PDE3A: variants seen among roughly 807,000 people sequenced by gnomAD.
The protein encoded by PDE3A is phosphodiesterase 3A.
PDE3A carries 43 observed loss-of-function variants against 98.3 expected under a neutral mutation model. That is an observed-to-expected ratio of 0.44 (90% CI 0.34 to 0.56). The LOEUF is 0.56. Ranked by LOEUF, PDE3A falls within the 20% of genes least tolerant of loss-of-function variation. The probability of loss-of-function intolerance (pLI) is 0.01; values close to 1 mark genes in which losing one functional copy is unlikely to be tolerated. For missense variants in PDE3A, 1,427 were observed against 1,440.7 expected (o/e 0.99, Z 0.15); for synonymous variants, 663 against 567.9 (o/e 1.17, Z -2.38).
intron 10 of PDE3A, among the ~76,000 whole-genome samples, chr12:20,646,256 A>G (rs1944773334): frequency 6.6e-6 from 1 of 152,156 alleles, no homozygotes; most frequent in African/African-American, 2.4e-5. Flanking sequence ...AGATTTTTCC[A>G]CTTCAGATAC....
At chr12:20,580,550 C>T (rs1943038702) in intron 2 of PDE3A, among the ~76,000 whole-genome samples, 1 of 152,118 alleles carries the variant, frequency 6.6e-6, no homozygotes, top group South Asian at 2.1e-4. Flanking sequence ...AAAATATTCT[C>T]AGGTCCAAAA....
rs532153330 is a variant in PDE3A at position 20,633,109 on chromosome 12, G to T, written c.1761-584G>T. Among the ~76,000 whole-genome samples, 3 of 151,874 alleles carry T rather than the reference G, an allele frequency of 2.0e-5. No individual in the cohort carries two copies. In the South Asian group the frequency reaches 6.2e-4, roughly 32 times the overall value. Reference sequence around the variant, plus strand: ...TGGTATTACAGGCATCCACCACCCTGCCTGGCAATTTTTGTATTTTTAGTA... The same window carrying T: ...TGGTATTACAGGCATCCACCACCCTTCCTGGCAATTTTTGTATTTTTAGTA... On this transcript the variant is annotated intron_variant, in intron 6 of 15. Coordinates refer to ENST00000359062, the MANE Select transcript of PDE3A (RefSeq NM_000921.5).
intron 1 of PDE3A, among the ~76,000 whole-genome samples, chr12:20,550,445 A>G (rs1226222876): frequency 6.6e-6 from 1 of 152,150 alleles, no homozygotes; most frequent in African/African-American, 2.4e-5. Flanking sequence ...AGTTCTAGTG[A>G]ACAACTAATG....
At chr12:20,477,698 G>T (rs925040080) in intron 1 of PDE3A, among the ~76,000 whole-genome samples, 11 of 152,294 alleles carry the variant, frequency 7.2e-5, no homozygotes, top group Non-Finnish European at 2.9e-5. Context: ...ATACTATCAT[G>T]TATAAGACGA....
intron 1 of PDE3A, among the ~76,000 whole-genome samples, chr12:20,394,639 C>T (rs1943975083): frequency 6.6e-6 from 1 of 152,008 alleles, no homozygotes; most frequent in Non-Finnish European, 1.5e-5. Flanking sequence ...CTAAATTTTA[C>T]AATTATAATC....
At chr12:20,642,270 G>T (rs533333563) in intron 10 of PDE3A, among the ~76,000 whole-genome samples, 56 of 152,186 alleles carry the variant, frequency 3.7e-4, no homozygotes, top group Non-Finnish European at 7.4e-4. Flanking sequence ...TTTTAAATTT[G>T]TAATTAGAAT....
chr12:20,667,854 G>C (rs1458293029), intron 15 of PDE3A, among the ~76,000 whole-genome samples: 1 of 152,160 alleles, frequency 6.6e-6, no homozygotes, highest in Admixed American at 6.5e-5. Context: ...AGCCAAGATG[G>C]CCGAACAGGA....
intron 1 of PDE3A, among the ~76,000 whole-genome samples, chr12:20,385,278 G>A (rs891771520): frequency 1.3e-5 from 2 of 152,020 alleles, no homozygotes; most frequent in Non-Finnish European, 2.9e-5. Flanking sequence ...TCATTAAAAA[G>A]TCAGGAAGCG....
At position 20,369,220 on chromosome 12, in the gene PDE3A, C is replaced by A; in HGVS notation, c.-65C>A. On this transcript the variant is annotated 5_prime_UTR_variant, in exon 1 of 16. Transcript: ENST00000359062. ...GTGTGTGTGTGTGTGTGCGCGCGCG[C>A]GCGTGGGTCGGGGCGGGGGCGTCGG... 1.6e-6 allele frequency: 2 copies of A among 1,223,884 alleles called. No homozygotes were observed. The highest frequency in any genetic ancestry group is 2.2e-6 in the Non-Finnish European group (2 of 896,534). 75.8% of individuals were successfully genotyped at this position (1,223,884 alleles called of 1,614,324 possible). A position where few individuals can be genotyped will look rare whatever the true frequency, so the allele number is the denominator to read the frequency against.
At chr12:20,646,080 G>A (rs1367706537) in intron 10 of PDE3A, among the ~76,000 whole-genome samples, 1 of 152,122 alleles carries the variant, frequency 6.6e-6, no homozygotes, top group Non-Finnish European at 1.5e-5. Context: ...TATCAGAGAT[G>A]AAATATTATG....
intron 1 of PDE3A, chr12:20,551,606 A>T (rs1405515249): frequency 6.4e-7 from 1 of 1,559,948 alleles, no homozygotes; most frequent in Non-Finnish European, 8.7e-7. Flanking sequence ...GGCCGGCAGG[A>T]CCCCGACAAG....
Position 20,369,779 on chromosome 12 carries a change from C to T in PDE3A, c.495C>T (p.Ala165=). The T allele has an allele frequency of 1.9e-6, 3 of 1,612,452 alleles. No individual in the cohort carries two copies. The highest frequency in any genetic ancestry group is 2.2e-5 in the South Asian group (2 of 91,000). Residue 165 remains alanine, a synonymous_variant, in exon 1 of 16, where the codon GCC becomes GCT. Coordinates refer to ENST00000359062, the MANE Select transcript of PDE3A (RefSeq NM_000921.5). ...VRLPLAVALL[A]ACCGGEALVQ... ...TGCCTCTGGCTGTCGCGCTGCTGGC[C>T]GCCTGCTGCGGGGGGGAAGCGCTCG...
intron 1 of PDE3A, among the ~76,000 whole-genome samples, chr12:20,421,694 A>G (rs1001955648): frequency 6.6e-6 from 1 of 151,876 alleles, no homozygotes; most frequent in Non-Finnish European, 1.5e-5. Context: ...GAGAGGTGAA[A>G]TGAGCCCTGG....
chr12:20,402,572 A>T lies in PDE3A; in HGVS notation c.960+32328A>T, dbSNP rs545805216. ...CTTACGGTGGGCCCTAGATGTTGGAATTTTTGTTTTTAAGTGTAACAACTT... is the reference window on the plus strand; with the variant it reads ...CTTACGGTGGGCCCTAGATGTTGGATTTTTTGTTTTTAAGTGTAACAACTT... On this transcript the variant is annotated intron_variant, in intron 1 of 15. Transcript: ENST00000359062. Among the ~76,000 whole-genome samples the T allele has an allele frequency of 2.6e-5, 4 of 152,238 alleles. No individual in the cohort carries two copies. In the East Asian group the frequency reaches 7.7e-4, roughly 29 times the overall value.
At chr12:20,502,628 G>C (rs1310273398) in intron 1 of PDE3A, among the ~76,000 whole-genome samples, 1 of 152,074 alleles carries the variant, frequency 6.6e-6, no homozygotes, top group Non-Finnish European at 1.5e-5. Flanking sequence ...TGGAATACAT[G>C]ACTGAAAAAG....
intron 1 of PDE3A, among the ~76,000 whole-genome samples, chr12:20,527,921 G>GAA (rs200125422): frequency 8.0e-6 from 1 of 125,108 alleles, no homozygotes; most frequent in Non-Finnish European, 1.7e-5. Context: ...ACTTTAAAAG[G>GAA]AAAAAAAAAA....
chr12:20,589,536 C>G (rs1403920705), intron 2 of PDE3A, among the ~76,000 whole-genome samples: 4 of 151,970 alleles, frequency 2.6e-5, no homozygotes, highest in African/African-American at 9.7e-5. Flanking sequence ...AGCAAGTATA[C>G]CAAGAGCTTT....
intron 2 of PDE3A, among the ~76,000 whole-genome samples, chr12:20,602,902 A>C (rs1210581392): frequency 6.6e-6 from 1 of 152,224 alleles, no homozygotes; most frequent in Non-Finnish European, 1.5e-5. Context: ...AAGTATAAAC[A>C]CATATGCAAT....
intron 2 of PDE3A, among the ~76,000 whole-genome samples, chr12:20,559,920 T>A (rs971236815): frequency 6.6e-6 from 1 of 152,194 alleles, no homozygotes; most frequent in African/African-American, 2.4e-5. Flanking sequence ...GTATAAATGC[T>A]TTTGGATGGC....
Sources: gnomAD v4.1 joint callset for allele counts (sites outside exome capture counted in the v4.1 genomes callset) on GRCh38, gnomAD v4.1.1 for gene constraint, MANE v1.5 for transcripts, NCBI Gene and HGNC (gene_info 2026-07-23, HGNC 2026-07-21) for gene names.